The following IFIH1 variants were observed in gnomAD, a reference collection of about 807,000 sequenced individuals.
IFIH1 encodes the protein interferon induced with helicase C domain 1, also known as interferon-induced helicase C domain-containing protein 1.
Under a neutral mutation model 107.4 loss-of-function variants are expected in IFIH1, and 125 were observed. The ratio of observed to expected loss-of-function variants is 1.16; its 90% CI spans 1.01 to 1.35. IFIH1 has a LOEUF of 1.35. Among genes scored for constraint, IFIH1 ranks in the 40% most tolerant of loss-of-function variants. The pLI, the probability that IFIH1 is intolerant of heterozygous loss-of-function variation, is 0.00. For missense variants in IFIH1, 1,333 were observed against 1,213.7 expected (o/e 1.10, Z -1.46); for synonymous variants, 458 against 413.2 (o/e 1.11, Z -1.31).
At chr2:162,293,779 G>T in intron 3 of IFIH1, 111 bp from the exon 4 acceptor site, 1 of 597,180 alleles carries the variant, frequency 1.7e-6, no homozygotes, top group South Asian at 2.4e-5. Flanking sequence ...AAGTGGGGAA[G>T]GCACACCCAG....
intron 11 of IFIH1, among the ~76,000 whole-genome samples, chr2:162,274,289 T>C (rs1324346097): frequency 6.6e-6 from 1 of 152,140 alleles, no homozygotes; most frequent in Non-Finnish European, 1.5e-5. Flanking sequence ...GAAGCTAAAA[T>C]GGGCTTTTTT....
chr2:162,314,416 T>TC (rs1683441219), intron 1 of IFIH1, among the ~76,000 whole-genome samples: 8 of 51,444 alleles, frequency 1.6e-4, no homozygotes, highest in Non-Finnish European at 2.8e-4. Flanking sequence ...TCTTTCTTTC[T>TC]TTTCTTTCTT....
chr2:162,303,545 G>A (rs920405835), intron 3 of IFIH1, among the ~76,000 whole-genome samples: 1 of 152,004 alleles, frequency 6.6e-6, no homozygotes, highest in Admixed American at 6.6e-5. Flanking sequence ...CCTGGCACAT[G>A]ATAGGAGTTT....
intron 1 of IFIH1, among the ~76,000 whole-genome samples, chr2:162,317,411 T>A (rs1346753660): frequency 6.6e-6 from 1 of 152,156 alleles, no homozygotes; most frequent in African/African-American, 2.4e-5. Context: ...CATTCAACAC[T>A]ATCACAAGCT....
intron 7 of IFIH1, 87 bp from the exon 8 acceptor site, chr2:162,280,199 A>G (rs1682780605): frequency 4.0e-6 from 3 of 741,600 alleles, no homozygotes; most frequent in Non-Finnish European, 2.3e-6. Flanking sequence ...TGTAAAAAAT[A>G]TGTAGCATTA....
rs1276069749 is a variant in IFIH1 at position 162,318,171 on chromosome 2, A to G, written c.137T>C (p.Ile46Thr). The G allele has an allele frequency of 1.2e-5, 20 of 1,614,036 alleles. No individual in the cohort carries two copies. Among genetic ancestry groups the G allele is most frequent in the Non-Finnish European group, 1.7e-5 (20 of 1,180,028 alleles). ...TFLPAEVKEQ[I>T]QRTVATSGNM... ...CCCGGAGGTGGCGACTGTCCTCTGA[A>G]TCTGCTCCTTCACCTCTGCAGGCAG... is the stretch of plus-strand genomic sequence containing the variant. The change falls in exon 1 of 16, where the codon ATT (isoleucine) becomes ACT (threonine). Residue 46 changes from isoleucine (I) to threonine (T), a missense_variant. Ile to Thr is a moderately conservative substitution (Grantham distance 89). Transcript: ENST00000649979.
chr2:162,313,621 T>C (rs1683420248), intron 1 of IFIH1, among the ~76,000 whole-genome samples: 1 of 152,230 alleles, frequency 6.6e-6, no homozygotes, highest in African/African-American at 2.4e-5. Flanking sequence ...CTTCCCTTTA[T>C]AATAACCTTA....
chr2:162,291,746 T>C (rs1335859429), intron 4 of IFIH1, among the ~76,000 whole-genome samples: 1 of 151,844 alleles, frequency 6.6e-6, no homozygotes, highest in African/African-American at 2.4e-5. Flanking sequence ...TCAATATGTG[T>C]TTAACAGTTC....
intron 8 of IFIH1, among the ~76,000 whole-genome samples, chr2:162,279,719 C>T (rs1682772402): frequency 6.6e-6 from 1 of 151,964 alleles, no homozygotes; most frequent in South Asian, 2.1e-4. Flanking sequence ...CTTAGTTACA[C>T]ATCCCTCTGC....
rs763364107 is a variant in IFIH1, at chr2:162,318,230, G to C, written c.78C>G (p.Ile26Met). The C allele has an allele frequency of 1.9e-6, 3 of 1,614,164 alleles. No homozygotes were observed. The highest frequency in any genetic ancestry group is 2.2e-5 in the South Asian group (2 of 91,082). ...SCFRARVKMY[I>M]QVEPVLDYLT... is the part of the protein sequence containing the mutation. ...GGTAGTCCAGCACAGGCTCCACCTG[G>C]ATGTACATTTTCACCCTGGCCCTGA... Residue 26 changes from isoleucine (I) to methionine (M), a missense_variant, in exon 1 of 16, where the codon ATC becomes ATG. Ile to Met is a conservative substitution (Grantham distance 10, BLOSUM62 1). Transcript: ENST00000649979.
intron 1 of IFIH1, among the ~76,000 whole-genome samples, chr2:162,314,416 T>TTTCTTTCCTTCCTTTC (rs71009355): frequency 5.8e-5 from 3 of 51,444 alleles, no homozygotes; most frequent in Admixed American, 3.5e-4. Flanking sequence ...TCTTTCTTTC[T>TTTCTTTCCTTCCTTTC]TTTCTTTCTT....
At chr2:162,306,053 A>G (rs1343366551) in intron 3 of IFIH1, among the ~76,000 whole-genome samples, 1 of 152,200 alleles carries the variant, frequency 6.6e-6, no homozygotes, top group Non-Finnish European at 1.5e-5. Flanking sequence ...TTAAGCAACT[A>G]TTTCTTGTGA....
intron 12 of IFIH1, among the ~76,000 whole-genome samples, chr2:162,272,918 T>C (rs1691073446): frequency 6.6e-6 from 1 of 152,228 alleles, no homozygotes; most frequent in Non-Finnish European, 1.5e-5. Flanking sequence ...TTCAGGTATA[T>C]TTTGATTAAT....
intron 3 of IFIH1, among the ~76,000 whole-genome samples, chr2:162,306,239 C>T (rs1462959925): frequency 6.6e-6 from 1 of 152,154 alleles, no homozygotes; most frequent in African/African-American, 2.4e-5. Flanking sequence ...TTCAAGCCAA[C>T]CCTAGTTCAG....
chr2:162,292,653 T>C (rs1683014935), intron 4 of IFIH1, among the ~76,000 whole-genome samples: 1 of 151,822 alleles, frequency 6.6e-6, no homozygotes, highest in Non-Finnish European at 1.5e-5. Flanking sequence ...AACAACTCAA[T>C]CACAAATGAA....
At position 162,281,448 on chromosome 2, in the gene IFIH1, G is replaced by A; in HGVS notation, c.1404C>T (p.Asn468=). The A allele has an allele frequency of 3.1e-6, 5 of 1,612,290 alleles. No homozygotes were observed. Among genetic ancestry groups the A allele is most frequent in the Non-Finnish European group, 4.2e-6 (5 of 1,178,850 alleles). Residue 468 remains asparagine, a synonymous_variant, in exon 7 of 16, where the codon AAC becomes AAT. Coordinates refer to ENST00000649979, the MANE Select transcript of IFIH1 (RefSeq NM_022168.4). ...GTTTGTTTTCTTTCTTGAGTCTATT[G>A]TTTTTCAACTTCTGCATCAAATAAT... is the stretch of plus-strand genomic sequence containing the variant. ...MRHYLMQKLK[N]NRLKKENKPV...
intron 4 of IFIH1, among the ~76,000 whole-genome samples, chr2:162,288,863 G>A (rs997736901): frequency 2.0e-5 from 3 of 150,774 alleles, no homozygotes; most frequent in African/African-American, 4.9e-5. Flanking sequence ...TATTATGGCT[G>A]ATACTATTTT....
chr2:162,304,089 C>G (rs1683237696), intron 3 of IFIH1, among the ~76,000 whole-genome samples: 1 of 152,022 alleles, frequency 6.6e-6, no homozygotes, highest in Admixed American at 6.6e-5. Context: ...ACAACAACAA[C>G]AACAAAAAAA....
chr2:162,291,848 G>A lies in IFIH1; in HGVS notation c.874+1716C>T, dbSNP rs977782022. 4.6e-5 allele frequency among the ~76,000 whole-genome samples: 7 copies of A among 151,684 alleles called. No individual in the cohort carries two copies. The East Asian group carries it at 7.8e-4, about 17-fold the overall frequency. On this transcript the variant is annotated intron_variant, in intron 4 of 15. Transcript: ENST00000649979. ...AGGAATTTCATAATTTTACCATTTC[G>A]GAAATTGACTACCCACTAGGCAAAG...
Sources: gnomAD v4.1 joint callset for allele counts (sites outside exome capture counted in the v4.1 genomes callset) on GRCh38, gnomAD v4.1.1 for gene constraint, MANE v1.5 for transcripts, NCBI Gene and HGNC (gene_info 2026-07-23, HGNC 2026-07-21) for gene names.